NTAQ1: variants seen among roughly 807,000 people sequenced by gnomAD.
NTAQ1 encodes the protein N-terminal glutamine amidase 1.
A neutral mutation model predicts 28.2 loss-of-function variants in NTAQ1; 21 were observed. That is an observed-to-expected ratio of 0.74 (90% CI 0.53 to 1.07). The LOEUF is 1.07. Ranked by LOEUF, NTAQ1 falls within the 50% of genes least tolerant of loss-of-function variation. The probability of loss-of-function intolerance (pLI) is 0.00; values close to 1 mark genes in which losing one functional copy is unlikely to be tolerated. For missense variants in NTAQ1, 264 were observed against 256.6 expected (o/e 1.03, Z -0.20); for synonymous variants, 105 against 90.0 (o/e 1.17, Z -0.94).
At chr8:123,471,362 CTGGGTATTAGGACTTTGT>C (rs1483171659), downstream of NTAQ1, among the ~76,000 whole-genome samples, 5 of 152,286 alleles carry the variant, frequency 3.3e-5, no homozygotes, top group African/African-American at 1.2e-4. Context: ...TTCTGTGGTA[CTGGGTATTAGGACTTTGT>C]TGTAGTCAGG....
intron 5 of NTAQ1, among the ~76,000 whole-genome samples, chr8:123,439,937 G>C (rs1814949643): frequency 6.6e-6 from 1 of 151,940 alleles, no homozygotes; most frequent in Admixed American, 6.6e-5. Flanking sequence ...CTGGGTGACA[G>C]AGGGAGACTC....
chr8:123,475,678 G>GAGT, the NTAQ1 span, among the ~76,000 whole-genome samples: 29 of 152,310 alleles, frequency 1.9e-4, no homozygotes, highest in African/African-American at 7.0e-4. Context: ...ATAATAAAGA[G>GAGT]AGTAGGTCCA....
At chr8:123,438,314 C>T (rs1814847001) in intron 5 of NTAQ1, 1 of 620,566 alleles carries the variant, frequency 1.6e-6, no homozygotes, top group Non-Finnish European at 2.9e-6. Flanking sequence ...TGTGAAAGTG[C>T]TCTGTGAGCT....
intron 6 of NTAQ1, among the ~76,000 whole-genome samples, chr8:123,459,284 A>G (rs1815747835): frequency 6.6e-6 from 1 of 151,618 alleles, no homozygotes. Context: ...CCAGATGAAG[A>G]GATCAGGTGT....
chr8:123,451,880 C>A (rs915781306), downstream of NTAQ1, among the ~76,000 whole-genome samples: 27 of 152,200 alleles, frequency 1.8e-4, no homozygotes, highest in African/African-American at 6.5e-4. Context: ...TTGAATTATT[C>A]CCGTTGACTA....
At chr8:123,437,585 C>A (rs1039288122) in intron 5 of NTAQ1, among the ~76,000 whole-genome samples, 4 of 151,936 alleles carry the variant, frequency 2.6e-5, no homozygotes, top group Admixed American at 2.6e-4. Flanking sequence ...CACCTGTAGT[C>A]CCAGCTACTA....
intron 6 of NTAQ1, among the ~76,000 whole-genome samples, chr8:123,464,786 G>A (rs971688799): frequency 1.8e-4 from 28 of 152,220 alleles, no homozygotes; most frequent in African/African-American, 6.5e-4. Context: ...TGTGGCTCAC[G>A]CCTGTAATCT....
At chr8:123,451,186 T>C (rs909169467), downstream of NTAQ1, among the ~76,000 whole-genome samples, 2 of 152,214 alleles carry the variant, frequency 1.3e-5, no homozygotes, top group African/African-American at 4.8e-5. Flanking sequence ...TGACACTGCC[T>C]GACATTGAGG....
chr8:123,470,243 T>G (rs961279211), downstream of NTAQ1, among the ~76,000 whole-genome samples: 1 of 152,178 alleles, frequency 6.6e-6, no homozygotes, highest in African/African-American at 2.4e-5. Flanking sequence ...ACCCAGTCTA[T>G]GGTATTTTGT....
At chr8:123,421,694 C>CT (rs71310678) in intron 1 of NTAQ1, among the ~76,000 whole-genome samples, 89 of 135,818 alleles carry the variant, frequency 6.6e-4, no homozygotes, top group Admixed American at 9.8e-4. Flanking sequence ...TTTTTCTTTT[C>CT]TTTTTTTTTT....
downstream of NTAQ1, chr8:123,448,292 T>A (rs919613495): frequency 1.2e-4 from 18 of 152,242 alleles, no homozygotes; most frequent in African/African-American, 4.3e-4. Flanking sequence ...TGTAACGATA[T>A]TTTTAGCTGG....
chr8:123,441,760 A>G lies in NTAQ1; in HGVS notation c.*345A>G, dbSNP rs1361028366. ...TGTTTTGGATGTTTTGTGTCTCTCC[A>G]GCTACATTGTAAGTTCCTTGAGGGC... On this transcript the variant is annotated 3_prime_UTR_variant, in exon 6 of 6. Transcript: ENST00000287387. 1 of 236,864 alleles carries G rather than the reference A, an allele frequency of 4.2e-6. No homozygotes were observed. Among genetic ancestry groups the G allele is most frequent in the Non-Finnish European group, 8.4e-6 (1 of 119,238 alleles). The allele number at this position is 236,864 out of a possible 1,614,324, so 14.7% of individuals were successfully genotyped here. A position where few individuals can be genotyped will look rare whatever the true frequency, so the allele number is the denominator to read the frequency against.
chr8:123,440,788 A>G (rs954922578), intron 5 of NTAQ1, among the ~76,000 whole-genome samples: 4 of 152,146 alleles, frequency 2.6e-5, no homozygotes, highest in African/African-American at 9.7e-5. Context: ...GGTGTGAGCC[A>G]ACATGCTTGG....
intron 1 of NTAQ1, among the ~76,000 whole-genome samples, chr8:123,423,676 A>T (rs769191547): frequency 8.5e-5 from 13 of 152,052 alleles, no homozygotes; most frequent in Non-Finnish European, 5.9e-5. Context: ...CCTACATGAT[A>T]TTCGTTATGC....
At chr8:123,424,328 C>A (rs915519333) in intron 1 of NTAQ1, among the ~76,000 whole-genome samples, 1 of 151,320 alleles carries the variant, frequency 6.6e-6, no homozygotes, top group African/African-American at 2.4e-5. Context: ...CTGCAACCGC[C>A]GCCTCCCAGG....
chr8:123,422,945 G>T lies in NTAQ1; in HGVS notation c.84-4979G>T, dbSNP rs529373261. ...TATTGGACTTTGTTGAAGATCAGAT[G>T]GTTGTAAATGTAAATATGCGGCTTT... is the stretch of plus-strand genomic sequence containing the variant. On this transcript the variant is annotated intron_variant, in intron 1 of 5. Transcript: ENST00000287387. Among the ~76,000 whole-genome samples, 19 of 152,232 alleles carry T rather than the reference G, an allele frequency of 1.2e-4. No individual in the cohort carries two copies. In the South Asian group the frequency reaches 2.9e-3, roughly 23 times the overall value.
At chr8:123,461,206 G>A (rs1185539276) in intron 6 of NTAQ1, among the ~76,000 whole-genome samples, 1 of 152,110 alleles carries the variant, frequency 6.6e-6, no homozygotes, top group Admixed American at 6.6e-5. Flanking sequence ...TCCTTGGAGG[G>A]TACAACTCTG....
chr8:123,427,922 A>G lies in NTAQ1; in HGVS notation c.84-2A>G, dbSNP rs751193052. On this transcript the variant is annotated splice_acceptor_variant, in intron 1 of 5. Transcript: ENST00000287387. LOFTEE classifies it high-confidence loss of function. ...CTTGATTAAACAATTATTTTATTTCAGTGAAGAAAATATTTGGAAGCTCTG... is the reference window on the plus strand; with the variant it reads ...CTTGATTAAACAATTATTTTATTTCGGTGAAGAAAATATTTGGAAGCTCTG... The G allele has an allele frequency of 1.9e-6, 3 of 1,582,162 alleles. No individual in the cohort carries two copies. Among genetic ancestry groups the G allele is most frequent in the Admixed American group, 3.6e-5 (2 of 55,410 alleles).
At position 123,441,623 on chromosome 8, in the gene NTAQ1, G is replaced by C; in HGVS notation, c.*208G>C. On this transcript the variant is annotated 3_prime_UTR_variant, in exon 6 of 6. Coordinates refer to ENST00000287387, the MANE Select transcript of NTAQ1 (RefSeq NM_018024.3). ...ACATGTCAAATTGAAACTTGATAAAGTGCGTACTTGCTAAGATATTCCTGT... is the reference window on the plus strand; with the variant it reads ...ACATGTCAAATTGAAACTTGATAAACTGCGTACTTGCTAAGATATTCCTGT... The C allele has an allele frequency of 1.7e-6, 1 of 574,712 alleles. No individual in the cohort carries two copies. The highest frequency in any genetic ancestry group is 2.3e-5 in the South Asian group (1 of 44,334). The allele number at this position is 574,712 out of a possible 1,614,324, so 35.6% of individuals were successfully genotyped here.
Sources: gnomAD v4.1 joint callset for allele counts (sites outside exome capture counted in the v4.1 genomes callset) on GRCh38, gnomAD v4.1.1 for gene constraint, MANE v1.5 for transcripts, NCBI Gene and HGNC (gene_info 2026-07-23, HGNC 2026-07-21) for gene names.